Variants in PRR16 observed in about 807,000 individuals in gnomAD.
The protein encoded by PRR16 is protein Largen.
Under a neutral mutation model 18.2 loss-of-function variants are expected in PRR16, and 6 were observed. The observed-to-expected ratio is 0.33, with a 90% CI of 0.18 to 0.65. The LOEUF is 0.65. PRR16 is among the 30% of genes least tolerant of loss of function. The pLI, the probability that PRR16 is intolerant of heterozygous loss-of-function variation, is 0.74. For synonymous variants in PRR16, 151 were observed against 147.8 expected (o/e 1.02, Z -0.16); for missense variants, 412 against 376.6 (o/e 1.09, Z -0.78).
chr5:120,632,099 G>A (rs530483409), intron 1 of PRR16, among the ~76,000 whole-genome samples: 2 of 152,268 alleles, frequency 1.3e-5, no homozygotes, highest in East Asian at 3.9e-4. Context: ...CTGGAGCCCA[G>A]TAGCTCTGCT....
At chr5:120,745,865 A>ATTTTTTTTTTT in the PRR16 span, among the ~76,000 whole-genome samples, 3,553 of 127,132 alleles carry the variant, frequency 0.028, 211 homozygotes, top group African/African-American at 0.1. Flanking sequence ...CGCCCGGGTA[A>ATTTTTTTTTTT]TTTTTTTTTT....
intron 1 of PRR16, among the ~76,000 whole-genome samples, chr5:120,599,852 A>G (rs1345874364): frequency 2.0e-5 from 3 of 151,606 alleles, no homozygotes; most frequent in African/African-American, 4.8e-5. Context: ...AGATGGGTCA[A>G]TTTCCTCTTT....
intron 1 of PRR16, among the ~76,000 whole-genome samples, chr5:120,469,357 T>C (rs1749197284): frequency 6.6e-6 from 1 of 152,244 alleles, no homozygotes; most frequent in Non-Finnish European, 1.5e-5. Flanking sequence ...TATCTTGCCC[T>C]GTCACTTAGG....
chr5:120,486,190 G>A (rs1197870010), intron 1 of PRR16, among the ~76,000 whole-genome samples: 1 of 152,172 alleles, frequency 6.6e-6, no homozygotes. Context: ...GGGTCAAATG[G>A]TAGTTCTAGT....
intron 1 of PRR16, among the ~76,000 whole-genome samples, chr5:120,608,088 A>G (rs1754214289): frequency 6.6e-6 from 1 of 152,188 alleles, no homozygotes; most frequent in Admixed American, 6.5e-5. Flanking sequence ...TTAAGGTCAC[A>G]GGAAGAGGGG....
At chr5:120,710,848 T>C in the PRR16 span, 4 of 152,250 alleles carry the variant, frequency 2.6e-5, no homozygotes, top group South Asian at 2.1e-4. Context: ...GTTTGTATTA[T>C]CTTATAATTC....
chr5:120,626,491 T>C (rs1158019843), intron 1 of PRR16, among the ~76,000 whole-genome samples: 2 of 152,186 alleles, frequency 1.3e-5, no homozygotes, highest in African/African-American at 2.4e-5. Context: ...AGGGATCTTT[T>C]GCAGGCTATG....
chr5:120,547,384 G>A (rs929151144), intron 1 of PRR16, among the ~76,000 whole-genome samples: 7 of 152,076 alleles, frequency 4.6e-5, no homozygotes, highest in African/African-American at 1.7e-4. Flanking sequence ...TAAATTCTTG[G>A]TATATAATCT....
chr5:120,754,157 TG>T, the PRR16 span, among the ~76,000 whole-genome samples: 15 of 28,106 alleles, frequency 5.3e-4, no homozygotes, highest in East Asian at 3.6e-3. Context: ...TATATAAATA[TG>T]ATATATAAAT....
At chr5:120,736,388 C>G in the PRR16 span, among the ~76,000 whole-genome samples, 2 of 152,152 alleles carry the variant, frequency 1.3e-5, no homozygotes, top group Admixed American at 1.3e-4. Context: ...AGTCAGCCTC[C>G]CGAGTAGCTG....
At chr5:120,480,439 G>A (rs1749574226) in intron 1 of PRR16, among the ~76,000 whole-genome samples, 3 of 152,064 alleles carry the variant, frequency 2.0e-5, no homozygotes, top group South Asian at 2.1e-4. Flanking sequence ...TTTGCAGGGA[G>A]GGGGATAGTT....
chr5:120,633,563 G>C (rs190848772), intron 1 of PRR16, among the ~76,000 whole-genome samples: 74 of 152,266 alleles, frequency 4.9e-4, no homozygotes, highest in Admixed American at 1.6e-3. Context: ...AAAGTGAATA[G>C]GAGTAGTTCT....
Position 120,603,636 on chromosome 5 carries a change from C to G in PRR16, c.160-82318C>G, listed in dbSNP as rs546444048. On this transcript the variant is annotated intron_variant, in intron 1 of 1. Coordinates refer to ENST00000407149, the MANE Select transcript of PRR16 (RefSeq NM_001300783.2). ...GTTTGCTCTTGTTTTTCTAGTTCCT[C>G]TAGGTGTGATGTTAGGTTAACTTGA... 2.0e-5 allele frequency among the ~76,000 whole-genome samples: 3 copies of G among 151,788 alleles called. No homozygotes were observed. The South Asian group carries it at 6.2e-4, about 32-fold the overall frequency.
At position 120,635,349 on chromosome 5, in the gene PRR16, A is replaced by G. The variant is rs910643367; in HGVS notation, c.160-50605A>G. 3.9e-5 allele frequency among the ~76,000 whole-genome samples: 6 copies of G among 152,318 alleles called. No homozygotes were observed. In the South Asian group the frequency reaches 1.2e-3, roughly 32 times the overall value. ...AAACTACTGACTAATATCCCTGAAC[A>G]TCAGTGCAAAAATCCTCAACAAAAT... On this transcript the variant is annotated intron_variant, in intron 1 of 1. Transcript: ENST00000407149.
At chr5:120,624,932 G>T (rs73256058) in intron 1 of PRR16, among the ~76,000 whole-genome samples, 1,915 of 152,114 alleles carry the variant, frequency 0.013, 57 homozygotes, top group African/African-American at 0.044. Context: ...GGTTCCCTGC[G>T]CAAGCTCTCT....
chr5:120,544,728 T>C (rs924829977), intron 1 of PRR16, among the ~76,000 whole-genome samples: 2 of 152,100 alleles, frequency 1.3e-5, no homozygotes, highest in African/African-American at 4.8e-5. Flanking sequence ...TTTGTAGAGA[T>C]AGGGTCTCAC....
At chr5:120,589,506 G>A (rs1373447269) in intron 1 of PRR16, among the ~76,000 whole-genome samples, 1 of 152,086 alleles carries the variant, frequency 6.6e-6, no homozygotes, top group Non-Finnish European at 1.5e-5. Context: ...GTATATTAGT[G>A]TATTCTCACA....
chr5:120,526,948 C>CA (rs957816934), intron 1 of PRR16, among the ~76,000 whole-genome samples: 1 of 152,120 alleles, frequency 6.6e-6, no homozygotes, highest in Non-Finnish European at 1.5e-5. Context: ...CAATATTGTA[C>CA]AGCAGATCTG....
intron 1 of PRR16, among the ~76,000 whole-genome samples, chr5:120,568,893 G>A (rs1752817860): frequency 6.6e-6 from 1 of 152,058 alleles, no homozygotes; most frequent in Non-Finnish European, 1.5e-5. Context: ...TTGGAATGCT[G>A]TCATCACTGG....
Sources: allele counts gnomAD v4.1 joint callset (sites outside exome capture counted in the v4.1 genomes callset), GRCh38; gene constraint gnomAD v4.1.1; transcripts MANE v1.5; gene names NCBI Gene and HGNC (gene_info 2026-07-23, HGNC 2026-07-21).